Variants in DISP1 observed in about 807,000 individuals in gnomAD.
DISP1 encodes dispatched RND transporter family member 1, also known as protein dispatched homolog 1.
A neutral mutation model predicts 37.3 loss-of-function variants in DISP1; 30 were observed. That is an observed-to-expected ratio of 0.80 (90% CI 0.60 to 1.09). The LOEUF (loss-of-function observed/expected upper bound fraction) is 1.09, where lower values mean the gene tolerates loss of function less well. Ranked by LOEUF, DISP1 falls within the 50% of genes least tolerant of loss-of-function variation. The pLI is 0.00. For synonymous variants in DISP1, 634 were observed against 690.2 expected, an observed-to-expected ratio of 0.92 and a Z score of 1.28; for missense variants, 1,598 against 1,879.5, an observed-to-expected ratio of 0.85 and a Z score of 2.77.
At chr1:222,983,900 T>G (rs530811458) in intron 4 of DISP1, among the ~76,000 whole-genome samples, 4 of 152,310 alleles carry the variant, frequency 2.6e-5, no homozygotes, top group Non-Finnish European at 5.9e-5. Flanking sequence ...TCAGATGTCC[T>G]TACACATTGT....
intron 1 of DISP1, among the ~76,000 whole-genome samples, chr1:222,832,409 G>T (rs1464216382): frequency 6.6e-6 from 1 of 152,016 alleles, no homozygotes; most frequent in Non-Finnish European, 1.5e-5. Context: ...TAATGTTAAG[G>T]TCTAAGAAAT....
At chr1:222,865,924 G>A (rs1392526594) in intron 1 of DISP1, among the ~76,000 whole-genome samples, 3 of 152,056 alleles carry the variant, frequency 2.0e-5, no homozygotes, top group East Asian at 1.9e-4. Context: ...CTTAGGGGCC[G>A]GCCCCCTGTT....
chr1:222,878,991 A>G (rs1572408627), intron 1 of DISP1, among the ~76,000 whole-genome samples: 1 of 152,268 alleles, frequency 6.6e-6, no homozygotes, highest in African/African-American at 2.4e-5. Context: ...ATTTTAATTA[A>G]TGCATGTTTA....
At chr1:222,939,342 A>G (rs1178131447) in intron 2 of DISP1, among the ~76,000 whole-genome samples, 4 of 145,906 alleles carry the variant, frequency 2.7e-5, no homozygotes, top group African/African-American at 1.0e-4. Context: ...GATTCTGATT[A>G]TGAAGAAAAA....
At chr1:222,843,085 C>T (rs1327844184) in intron 1 of DISP1, among the ~76,000 whole-genome samples, 1 of 151,792 alleles carries the variant, frequency 6.6e-6, no homozygotes, top group East Asian at 1.9e-4. Flanking sequence ...CATTACTTAC[C>T]GAGGACTTTA....
At chr1:222,918,962 T>G (rs1325589290) in intron 1 of DISP1, among the ~76,000 whole-genome samples, 1 of 152,202 alleles carries the variant, frequency 6.6e-6, no homozygotes, top group Admixed American at 6.5e-5. Flanking sequence ...ATGCTTGTGT[T>G]TTTATAGGAA....
At chr1:222,993,752 C>T (rs1678866171) in intron 7 of DISP1, among the ~76,000 whole-genome samples, 1 of 152,168 alleles carries the variant, frequency 6.6e-6, no homozygotes, top group African/African-American at 2.4e-5. Context: ...TAGTTATGAT[C>T]TTAACCAGGA....
intron 2 of DISP1, among the ~76,000 whole-genome samples, chr1:222,936,236 T>C (rs1352666734): frequency 6.6e-6 from 1 of 152,168 alleles, no homozygotes; most frequent in Admixed American, 6.5e-5. Context: ...TAGGTTTATG[T>C]AAGTACACTG....
chr1:222,851,148 C>T (rs1356219576), intron 1 of DISP1, among the ~76,000 whole-genome samples: 1 of 149,516 alleles, frequency 6.7e-6, no homozygotes, highest in Admixed American at 6.8e-5. Flanking sequence ...CTCACTGCAA[C>T]CTCCGCCTCC....
At chr1:222,994,846 A>G (rs1678943027) in intron 7 of DISP1, 39 bp from the exon 8 acceptor site, 1 of 1,438,322 alleles carries the variant, frequency 7.0e-7, no homozygotes, top group Non-Finnish European at 9.8e-7. Context: ...TGAATAATTT[A>G]TAAACCTTTT....
chr1:222,945,468 T>C (rs532880418), intron 3 of DISP1, among the ~76,000 whole-genome samples: 1 of 152,362 alleles, frequency 6.6e-6, no homozygotes, highest in South Asian at 2.1e-4. Flanking sequence ...TTCTGCATTT[T>C]GAAGCTGATA....
chr1:222,835,947 T>G (rs1666911245), intron 1 of DISP1, among the ~76,000 whole-genome samples: 1 of 135,290 alleles, frequency 7.4e-6, no homozygotes, highest in East Asian at 2.0e-4. Context: ...AGAGTGAGAC[T>G]CTTGTCTCAA....
intron 1 of DISP1, among the ~76,000 whole-genome samples, chr1:222,877,838 C>T (rs1670049965): frequency 6.6e-6 from 1 of 152,144 alleles, no homozygotes; most frequent in African/African-American, 2.4e-5. Context: ...AGGAAAAGAG[C>T]AGGAACTCGG....
rs190448081 is a variant in DISP1 at position 222,996,919 on chromosome 1, A to G, written c.987+1937A>G. On this transcript the variant is annotated intron_variant, in intron 8 of 8. Transcript: ENST00000675850. ...CCTTTTTTTTCTTAAAGAGCTAGCA[A>G]TTTATTCCATGAGTACATGTTAGAC... Among the ~76,000 whole-genome samples, 223 of 152,188 alleles carry G rather than the reference A, an allele frequency of 1.5e-3. 1 individual carries two copies. The highest frequency in any genetic ancestry group is 5.2e-3 in the African/African-American group (216 of 41,502).
At chr1:222,870,212 C>G (rs1327058714) in intron 1 of DISP1, among the ~76,000 whole-genome samples, 1 of 152,082 alleles carries the variant, frequency 6.6e-6, no homozygotes, top group Non-Finnish European at 1.5e-5. Context: ...GGGTTGGTTC[C>G]AAGTCTTTGC....
At chr1:222,998,289 T>G (rs1356980523) in intron 8 of DISP1, among the ~76,000 whole-genome samples, 2 of 151,244 alleles carry the variant, frequency 1.3e-5, no homozygotes, top group Non-Finnish European at 2.9e-5. Flanking sequence ...TATTAACAAC[T>G]ATGAAGTTAA....
At chr1:222,992,213 A>G in intron 7 of DISP1, 103 bp downstream of exon 7, 1 of 948,702 alleles carries the variant, frequency 1.1e-6, no homozygotes. Flanking sequence ...CTAGTCACAC[A>G]GCTTCACTGT....
chr1:222,964,749 A>G (rs1676341928), intron 3 of DISP1, among the ~76,000 whole-genome samples: 1 of 152,224 alleles, frequency 6.6e-6, no homozygotes, highest in South Asian at 2.1e-4. Flanking sequence ...GGTGCAGGAT[A>G]CGCAGTGGGT....
intron 1 of DISP1, among the ~76,000 whole-genome samples, chr1:222,831,537 G>A (rs1477556581): frequency 1.3e-5 from 2 of 152,136 alleles, no homozygotes; most frequent in Non-Finnish European, 2.9e-5. Context: ...AATTTAATAA[G>A]CTGTATACTA....
Sources: gnomAD v4.1 joint callset for allele counts (sites outside exome capture counted in the v4.1 genomes callset) on GRCh38, gnomAD v4.1.1 for gene constraint, MANE v1.5 for transcripts, NCBI Gene and HGNC (gene_info 2026-07-23, HGNC 2026-07-21) for gene names.